The following SV2C variants were observed in gnomAD, a reference collection of about 807,000 sequenced individuals.
SV2C encodes the protein synaptic vesicle glycoprotein 2C.
A neutral mutation model predicts 79.7 loss-of-function variants in SV2C; 49 were observed. That is an observed-to-expected ratio of 0.61 (90% CI 0.49 to 0.78). SV2C has a LOEUF of 0.78. Ranked by LOEUF, SV2C falls within the 30% of genes least tolerant of loss-of-function variation. SV2C has a pLI of 0.00. For synonymous variants in SV2C, 334 were observed against 333.2 expected, an observed-to-expected ratio of 1.00 and a Z score of -0.03; for missense variants, 833 against 912.9, an observed-to-expected ratio of 0.91 and a Z score of 1.13.
intron 4 of SV2C, among the ~76,000 whole-genome samples, chr5:76,245,462 G>T (rs142439611): frequency 6.6e-6 from 1 of 152,310 alleles, no homozygotes; most frequent in African/African-American, 2.4e-5. Flanking sequence ...AACACGATCA[G>T]ACTTAATAAG....
At chr5:76,249,820 G>T (rs1384229471) in intron 4 of SV2C, among the ~76,000 whole-genome samples, 1 of 152,070 alleles carries the variant, frequency 6.6e-6, no homozygotes, top group Non-Finnish European at 1.5e-5. Context: ...CACTGAGCGA[G>T]ACCCAATCGA....
intron 12 of SV2C, among the ~76,000 whole-genome samples, chr5:76,319,376 C>T (rs1487616768): frequency 6.6e-6 from 1 of 152,054 alleles, no homozygotes; most frequent in Non-Finnish European, 1.5e-5. Flanking sequence ...CATGATCGCG[C>T]CACTGCACTC....
chr5:76,183,627 C>G (rs148136217), intron 2 of SV2C, among the ~76,000 whole-genome samples: 1 of 152,236 alleles, frequency 6.6e-6, no homozygotes, highest in East Asian at 1.9e-4. Context: ...GGATAAAGCT[C>G]AACTCCTTGT....
the SV2C span, among the ~76,000 whole-genome samples, chr5:76,035,891 G>A: frequency 6.6e-6 from 1 of 151,704 alleles, no homozygotes; most frequent in African/African-American, 2.4e-5. Context: ...AAGTCTCTTT[G>A]TAGGTCACTC....
the SV2C span, among the ~76,000 whole-genome samples, chr5:76,020,482 G>A: frequency 2.0e-5 from 3 of 152,142 alleles, no homozygotes; most frequent in Admixed American, 1.3e-4. Context: ...TTCATAGGTC[G>A]CATGATCATT....
At chr5:76,235,160 A>G (rs1040619620) in intron 4 of SV2C, among the ~76,000 whole-genome samples, 47 of 144,086 alleles carry the variant, frequency 3.3e-4, no homozygotes, top group Non-Finnish European at 6.0e-4. Context: ...CAAAGGGAGA[A>G]TTATCCATGG....
chr5:76,043,144 A>G, the SV2C span, among the ~76,000 whole-genome samples: 4 of 152,214 alleles, frequency 2.6e-5, no homozygotes, highest in African/African-American at 7.2e-5. Flanking sequence ...CCATGCAGAA[A>G]GCCCATTTGG....
chr5:75,874,819 A>G, the SV2C span, among the ~76,000 whole-genome samples: 1 of 152,212 alleles, frequency 6.6e-6, no homozygotes, highest in Non-Finnish European at 1.5e-5. Context: ...TGCTACAAAA[A>G]GAATAAAACA....
chr5:76,265,181 G>C (rs1289696952), intron 4 of SV2C, among the ~76,000 whole-genome samples: 1 of 152,196 alleles, frequency 6.6e-6, no homozygotes, highest in Non-Finnish European at 1.5e-5. Flanking sequence ...AGGCAGTCTG[G>C]CCACAGCCAC....
chr5:76,084,752 C>A (rs1040612539), intron 1 of SV2C, among the ~76,000 whole-genome samples: 13 of 151,702 alleles, frequency 8.6e-5, no homozygotes, highest in Non-Finnish European at 1.8e-4. Flanking sequence ...CGCGTGTGTG[C>A]GTCAAAAGCT....
At chr5:75,912,024 C>T in the SV2C span, among the ~76,000 whole-genome samples, 4 of 152,042 alleles carry the variant, frequency 2.6e-5, no homozygotes, top group Admixed American at 6.6e-5. Flanking sequence ...TTAATGGAGG[C>T]GGAGGAGAAG....
At chr5:76,116,753 C>T (rs544436650) in intron 1 of SV2C, among the ~76,000 whole-genome samples, 2 of 152,280 alleles carry the variant, frequency 1.3e-5, no homozygotes, top group South Asian at 2.1e-4. Flanking sequence ...GAATTGCATA[C>T]GACAGTGTTG....
At chr5:75,909,251 T>A in the SV2C span, among the ~76,000 whole-genome samples, 1 of 152,246 alleles carries the variant, frequency 6.6e-6, no homozygotes, top group Non-Finnish European at 1.5e-5. Flanking sequence ...GTCAGGGTCC[T>A]GAATCCTTTT....
the SV2C span, chr5:75,921,603 T>C: frequency 8.3e-6 from 8 of 969,448 alleles, no homozygotes; most frequent in South Asian, 9.0e-5. Flanking sequence ...GAGGTGACAA[T>C]TGTGTTCTTC....
At chr5:76,230,657 C>T (rs1028687916) in intron 4 of SV2C, among the ~76,000 whole-genome samples, 3 of 151,934 alleles carry the variant, frequency 2.0e-5, no homozygotes, top group East Asian at 1.9e-4. Flanking sequence ...GGCGTGATGG[C>T]GGGCACCTGT....
chr5:76,181,003 C>A (rs187049331), intron 2 of SV2C, among the ~76,000 whole-genome samples: 4 of 152,300 alleles, frequency 2.6e-5, no homozygotes, highest in Admixed American at 1.3e-4. Flanking sequence ...TTTCGCAAGG[C>A]TCTCAACTGC....
At chr5:75,910,860 G>A in the SV2C span, 3 of 1,148,792 alleles carry the variant, frequency 2.6e-6, no homozygotes, top group Non-Finnish European at 1.3e-6. Flanking sequence ...AAGCTGAACT[G>A]CAATCTCTAT....
At chr5:75,945,452 C>A in the SV2C span, among the ~76,000 whole-genome samples, 3 of 151,786 alleles carry the variant, frequency 2.0e-5, no homozygotes, top group Non-Finnish European at 4.4e-5. Context: ...GTTGGGACTA[C>A]AGGTGCATGC....
intron 4 of SV2C, among the ~76,000 whole-genome samples, chr5:76,260,907 G>T (rs1194418197): frequency 6.6e-6 from 1 of 152,064 alleles, no homozygotes; most frequent in Non-Finnish European, 1.5e-5. Flanking sequence ...TTTTGCTTAG[G>T]ATTGTCTTGG....
Sources: gnomAD v4.1 joint callset for allele counts (sites outside exome capture counted in the v4.1 genomes callset) on GRCh38, gnomAD v4.1.1 for gene constraint, MANE v1.5 for transcripts, NCBI Gene and HGNC (gene_info 2026-07-23, HGNC 2026-07-21) for gene names.